The following TSPAN15 variants were observed in gnomAD, a reference collection of about 807,000 sequenced individuals.
The protein encoded by TSPAN15 is tetraspanin-15.
In TSPAN15, 20 loss-of-function variants were observed where a neutral mutation model predicts 34.5. That is an observed-to-expected ratio of 0.58 (90% CI 0.41 to 0.84). The LOEUF is 0.84. TSPAN15 is among the 40% of genes least tolerant of loss of function. The pLI is 0.00. For synonymous variants in TSPAN15, 155 were observed against 153.9 expected, an observed-to-expected ratio of 1.01 and a Z score of -0.05; for missense variants, 313 against 386.1, an observed-to-expected ratio of 0.81 and a Z score of 1.59.
At chr10:69,462,805 C>A (rs192829605) in intron 1 of TSPAN15, among the ~76,000 whole-genome samples, 1 of 152,200 alleles carries the variant, frequency 6.6e-6, no homozygotes, top group Non-Finnish European at 1.5e-5. Flanking sequence ...ACATCTCTTA[C>A]GATCTGGACA....
the TSPAN15 span, among the ~76,000 whole-genome samples, chr10:69,529,439 A>AATT: frequency 6.8e-6 from 1 of 147,620 alleles, no homozygotes; most frequent in Admixed American, 7.0e-5. Context: ...TATCTCAATT[A>AATT]AACTGTTAGA....
At chr10:69,493,707 T>C (rs2133134177) in intron 3 of TSPAN15, among the ~76,000 whole-genome samples, 1 of 152,218 alleles carries the variant, frequency 6.6e-6, no homozygotes, top group East Asian at 1.9e-4. Flanking sequence ...CTCCTGACCT[T>C]GTGATCCGCC....
chr10:69,518,682 A>T, the TSPAN15 span, among the ~76,000 whole-genome samples: 16 of 152,318 alleles, frequency 1.1e-4, no homozygotes, highest in African/African-American at 3.6e-4. Flanking sequence ...TTGGCCTCCT[A>T]AAGTGCTGGG....
chr10:69,525,333 T>C, the TSPAN15 span, among the ~76,000 whole-genome samples: 2 of 147,532 alleles, frequency 1.4e-5, no homozygotes, highest in Admixed American at 1.4e-4. Flanking sequence ...AGAAAATATA[T>C]AGACATAAAG....
At chr10:69,494,064 T>C (rs1842025508) in intron 3 of TSPAN15, among the ~76,000 whole-genome samples, 1 of 152,138 alleles carries the variant, frequency 6.6e-6, no homozygotes, top group Admixed American at 6.5e-5. Context: ...CCTTAAAGTG[T>C]GTCAGGCTGG....
intron 1 of TSPAN15, among the ~76,000 whole-genome samples, chr10:69,476,388 C>T (rs61257267): frequency 0.017 from 2,617 of 152,076 alleles, 77 homozygotes; most frequent in African/African-American, 0.06. Context: ...TGTGCTCTGA[C>T]GTTACCAAAA....
chr10:69,503,754 A>G (rs1419517310), intron 5 of TSPAN15, among the ~76,000 whole-genome samples: 1 of 151,978 alleles, frequency 6.6e-6, no homozygotes, highest in African/African-American at 2.4e-5. Context: ...GTGGTTGGAG[A>G]AGGAGACCCT....
At chr10:69,495,358 C>T (rs192009590) in intron 3 of TSPAN15, 1 of 502,108 alleles carries the variant, frequency 2.0e-6, no homozygotes, top group Non-Finnish European at 3.6e-6. Context: ...TGAATTACTC[C>T]TGCTGGGACA....
At chr10:69,477,262 G>A (rs1313360591) in intron 1 of TSPAN15, among the ~76,000 whole-genome samples, 1 of 152,138 alleles carries the variant, frequency 6.6e-6, no homozygotes, top group Non-Finnish European at 1.5e-5. Flanking sequence ...AGCCTCCCGA[G>A]TAGCTGGGAC....
chr10:69,539,470 GAGA>G, the TSPAN15 span, among the ~76,000 whole-genome samples: 4 of 59,142 alleles, frequency 6.8e-5, no homozygotes, highest in Admixed American at 6.2e-4. Context: ...GAAGGAGAAG[GAGA>G]AGGAGAAGGA....
In TSPAN15 at chr10:69,506,843, G is replaced by A; in HGVS notation, c.750G>A (p.Leu250=). The A allele has an allele frequency of 6.3e-7, 1 of 1,587,016 alleles. No individual in the cohort carries two copies. Among genetic ancestry groups the A allele is most frequent in the Non-Finnish European group, 8.6e-7 (1 of 1,166,740 alleles). Residue 250 remains leucine, a synonymous_variant, in exon 8 of 8, where the codon CTG becomes CTA. Coordinates refer to ENST00000373290, the MANE Select transcript of TSPAN15 (RefSeq NM_012339.5). The surrounding 1 kb of genome is among the most constrained non-coding windows in gnomAD (Gnocchi z 4.7). ...GILLPQFLGV[L]LTLLYITRVE... ...CTTCTTCTCAGTTCCTGGGGGTGCT[G>A]CTGACGCTGCTGTACATCACCCGGG...
intron 4 of TSPAN15, among the ~76,000 whole-genome samples, chr10:69,498,008 C>T (rs1329194306): frequency 6.6e-6 from 1 of 152,160 alleles, no homozygotes; most frequent in African/African-American, 2.4e-5. Flanking sequence ...CAAGGAAGGA[C>T]CTTTCCTCCC....
the TSPAN15 span, among the ~76,000 whole-genome samples, chr10:69,530,826 A>G: frequency 2.3e-5 from 1 of 43,688 alleles, no homozygotes; most frequent in Non-Finnish European, 4.1e-5. Context: ...CTCTCTATAT[A>G]TATATATATA....
chr10:69,528,866 G>A, the TSPAN15 span, among the ~76,000 whole-genome samples: 1 of 147,822 alleles, frequency 6.8e-6, no homozygotes, highest in African/African-American at 2.5e-5. Context: ...GGGCCTCAGA[G>A]GGGAGGAAGT....
At chr10:69,508,005 C>T (rs1842372202), downstream of TSPAN15, among the ~76,000 whole-genome samples, 1 of 152,254 alleles carries the variant, frequency 6.6e-6, no homozygotes, top group East Asian at 1.9e-4. Context: ...TAATGGCTGC[C>T]GCGCAACGCA....
chr10:69,512,764 A>G, the TSPAN15 span, among the ~76,000 whole-genome samples: 1 of 152,338 alleles, frequency 6.6e-6, no homozygotes, highest in Admixed American at 6.5e-5. Flanking sequence ...ATATATCAGA[A>G]GTTCATTTCT....
At chr10:69,476,566 C>CAAAAA (rs34169685) in intron 1 of TSPAN15, among the ~76,000 whole-genome samples, 1 of 97,326 alleles carries the variant, frequency 1.0e-5, no homozygotes, top group Non-Finnish European at 2.2e-5. Flanking sequence ...CAAAGGGTCT[C>CAAAAA]AAAAAAAAAA....
chr10:69,471,196 G>A (rs55988901), intron 1 of TSPAN15, among the ~76,000 whole-genome samples: 8,809 of 152,176 alleles, frequency 0.058, 363 homozygotes, highest in Middle Eastern at 0.14. Context: ...CATTGCTCTC[G>A]TTGCACACCC....
At chr10:69,466,874 A>T (rs567124677) in intron 1 of TSPAN15, among the ~76,000 whole-genome samples, 2 of 152,182 alleles carry the variant, frequency 1.3e-5, no homozygotes, top group African/African-American at 4.8e-5. Context: ...TTATATTCCC[A>T]TGTCACAGTG....
Sources: allele counts gnomAD v4.1 joint callset (sites outside exome capture counted in the v4.1 genomes callset), GRCh38; gene constraint gnomAD v4.1.1; non-coding constraint Gnocchi (gnomAD v3.1); transcripts MANE v1.5; gene names NCBI Gene and HGNC (gene_info 2026-07-23, HGNC 2026-07-21).